Variants in MSI2 observed in about 807,000 individuals in gnomAD.
MSI2 encodes RNA-binding protein Musashi homolog 2.
Under a neutral mutation model 45.6 loss-of-function variants are expected in MSI2, and 17 were observed. The observed-to-expected ratio is 0.37, with a 90% CI of 0.26 to 0.56. MSI2 has a LOEUF of 0.56. Among genes scored for constraint, MSI2 ranks in the 20% least tolerant of loss-of-function variants. The pLI, the probability that MSI2 is intolerant of heterozygous loss-of-function variation, is 0.77. For missense variants in MSI2, 293 were observed against 444.2 expected (o/e 0.66, Z 3.06); for synonymous variants, 156 against 158.2 (o/e 0.99, Z 0.11).
intron 5 of MSI2, among the ~76,000 whole-genome samples, chr17:57,399,195 G>A (rs1379786028): frequency 3.3e-5 from 5 of 152,214 alleles, no homozygotes; most frequent in Non-Finnish European, 7.3e-5. Flanking sequence ...GGAGCTCAGT[G>A]CTGTGCACAG....
At chr17:57,468,363 C>CA (rs2085368079) in intron 6 of MSI2, among the ~76,000 whole-genome samples, 3 of 150,946 alleles carry the variant, frequency 2.0e-5, no homozygotes, top group South Asian at 2.1e-4. Flanking sequence ...ACTAAAAATA[C>CA]AAAAAAAATT....
intron 5 of MSI2, among the ~76,000 whole-genome samples, chr17:57,288,596 C>T (rs762119914): frequency 2.6e-5 from 4 of 152,158 alleles, no homozygotes; most frequent in Admixed American, 6.5e-5. Flanking sequence ...AGCACAGACC[C>T]TTGGCTCTCA....
At chr17:57,342,973 A>G (rs1415926909) in intron 5 of MSI2, among the ~76,000 whole-genome samples, 1 of 152,212 alleles carries the variant, frequency 6.6e-6, no homozygotes, top group Non-Finnish European at 1.5e-5. Flanking sequence ...CCAGTTAAAG[A>G]GTTCTGTGAC....
intron 10 of MSI2, among the ~76,000 whole-genome samples, chr17:57,635,978 A>G (rs1909805298): frequency 6.6e-6 from 1 of 152,104 alleles, no homozygotes; most frequent in South Asian, 2.1e-4. Context: ...ATTTTCCATC[A>G]CTCTAAAAGA....
At chr17:57,287,298 G>A (rs569305391) in intron 5 of MSI2, among the ~76,000 whole-genome samples, 68 of 152,246 alleles carry the variant, frequency 4.5e-4, no homozygotes, top group African/African-American at 1.6e-3. Flanking sequence ...TGGCGAGGCT[G>A]TCCTGTGTGT....
intron 5 of MSI2, among the ~76,000 whole-genome samples, chr17:57,340,266 G>A (rs59853101): frequency 1.3e-5 from 2 of 152,094 alleles, no homozygotes; most frequent in Non-Finnish European, 2.9e-5. Context: ...GCCTCCAGAC[G>A]CACCTCCTCC....
intron 10 of MSI2, among the ~76,000 whole-genome samples, chr17:57,637,710 G>C (rs188253289): frequency 6.6e-6 from 1 of 152,324 alleles, no homozygotes; most frequent in Admixed American, 6.5e-5. Flanking sequence ...TGTTGAGAGG[G>C]TTAGTCGGAC....
At chr17:57,349,141 T>C (rs1325965293) in intron 5 of MSI2, among the ~76,000 whole-genome samples, 1 of 152,252 alleles carries the variant, frequency 6.6e-6, no homozygotes, top group East Asian at 1.9e-4. Flanking sequence ...TGCCTCGGGG[T>C]TGGAAGCCTG....
chr17:57,324,426 G>A (rs1277711069), intron 5 of MSI2, among the ~76,000 whole-genome samples: 2 of 152,092 alleles, frequency 1.3e-5, no homozygotes, highest in Non-Finnish European at 2.9e-5. Flanking sequence ...CCTCTGATGG[G>A]ACATTCAGTG....
chr17:57,297,183 T>G (rs1051504544), intron 5 of MSI2, among the ~76,000 whole-genome samples: 1 of 139,100 alleles, frequency 7.2e-6, no homozygotes. Context: ...GCCCAGTTTT[T>G]TTTTGTTTTT....
intron 6 of MSI2, among the ~76,000 whole-genome samples, chr17:57,525,009 C>T (rs777443918): frequency 1.2e-4 from 19 of 152,208 alleles, no homozygotes; most frequent in African/African-American, 3.9e-4. Flanking sequence ...CTGAGGCCCC[C>T]GGGAGATCTG....
intron 7 of MSI2, among the ~76,000 whole-genome samples, chr17:57,565,388 G>A (rs2087704517): frequency 6.6e-6 from 1 of 152,204 alleles, no homozygotes; most frequent in Non-Finnish European, 1.5e-5. Context: ...AGTGCACTCA[G>A]TGCTCCCGGA....
chr17:57,415,537 A>G (rs1192754101), intron 6 of MSI2, among the ~76,000 whole-genome samples: 2 of 152,170 alleles, frequency 1.3e-5, no homozygotes, highest in Non-Finnish European at 2.9e-5. Context: ...TTAAGTGGGC[A>G]TACAATTTCA....
At position 57,256,824 on chromosome 17, in the gene MSI2, C is replaced by A; in HGVS notation, c.62+20C>A. On this transcript the variant is annotated intron_variant, in intron 1 of 13. Transcript: ENST00000284073. ...CCCCGGGTAAGTTTCCAGCCGCTGC[C>A]CACCGCGCCGCCTTGGGCTCGCTCT... 1 of 1,449,416 alleles carries A rather than the reference C, an allele frequency of 6.9e-7. No individual in the cohort carries two copies. Among genetic ancestry groups the A allele is most frequent in the Non-Finnish European group, 9.1e-7 (1 of 1,102,860 alleles). 89.8% of individuals were successfully genotyped at this position (1,449,416 alleles called of 1,614,324 possible). A position where few individuals can be genotyped will look rare whatever the true frequency, so the allele number is the denominator to read the frequency against.
At chr17:57,272,368 C>T (rs1355567741) in intron 5 of MSI2, among the ~76,000 whole-genome samples, 1 of 152,164 alleles carries the variant, frequency 6.6e-6, no homozygotes, top group East Asian at 1.9e-4. Context: ...GCCAACATCA[C>T]AGAGCTGGGC....
At chr17:57,323,535 C>T (rs552079168) in intron 5 of MSI2, among the ~76,000 whole-genome samples, 11 of 152,358 alleles carry the variant, frequency 7.2e-5, no homozygotes, top group Non-Finnish European at 1.5e-4. Flanking sequence ...TGGTTGGTGC[C>T]GCCTCCCTGG....
intron 6 of MSI2, among the ~76,000 whole-genome samples, chr17:57,487,859 G>C (rs1598324408): frequency 6.6e-6 from 1 of 151,572 alleles, no homozygotes; most frequent in Non-Finnish European, 1.5e-5. Flanking sequence ...CCCCTACCCG[G>C]TCTATTGGGT....
At chr17:57,676,360 G>A (rs915495077) in intron 12 of MSI2, among the ~76,000 whole-genome samples, 7 of 152,348 alleles carry the variant, frequency 4.6e-5, no homozygotes, top group African/African-American at 1.7e-4. Flanking sequence ...TCCCAAGCCA[G>A]TATCACTTAA....
chr17:57,647,790 C>T (rs1188876838), intron 10 of MSI2, among the ~76,000 whole-genome samples: 16 of 150,652 alleles, frequency 1.1e-4, no homozygotes, highest in Non-Finnish European at 1.2e-4. Context: ...AACAGACATG[C>T]GCCACCACAC....
Sources: allele counts gnomAD v4.1 joint callset (sites outside exome capture counted in the v4.1 genomes callset), GRCh38; gene constraint gnomAD v4.1.1; transcripts MANE v1.5; gene names NCBI Gene and HGNC (gene_info 2026-07-23, HGNC 2026-07-21).